The following GPCPD1 variants were observed in gnomAD, a reference collection of about 807,000 sequenced individuals.
GPCPD1 encodes glycerophosphocholine phosphodiesterase GPCPD1.
In GPCPD1, 29 loss-of-function variants were observed where a neutral mutation model predicts 89.2. The observed-to-expected ratio is 0.33, with a 90% confidence interval of 0.24 to 0.44. The LOEUF is 0.44. GPCPD1 is among the 20% of genes least tolerant of loss of function. The pLI, the probability that GPCPD1 is intolerant of heterozygous loss-of-function variation, is 1.00. For synonymous variants in GPCPD1, 258 were observed against 266.3 expected (o/e 0.97, Z 0.30); for missense variants, 594 against 808.9 (o/e 0.73, Z 3.22).
At chr20:5,553,248 A>G (rs986903020) in intron 19 of GPCPD1, among the ~76,000 whole-genome samples, 1 of 152,192 alleles carries the variant, frequency 6.6e-6, no homozygotes, top group Non-Finnish European at 1.5e-5. Flanking sequence ...GTGATCTATG[A>G]TTAGTGATCT....
chr20:5,602,517 T>C (rs1980232049), intron 2 of GPCPD1, among the ~76,000 whole-genome samples: 2 of 152,336 alleles, frequency 1.3e-5, no homozygotes, highest in South Asian at 2.1e-4. Context: ...TGGCTAAGAA[T>C]TTGAACTTAG....
chr20:5,578,699 GC>G, intron 7 of GPCPD1, 88 bp from the exon 8 acceptor site: 1 of 760,162 alleles, frequency 1.3e-6, no homozygotes, highest in Non-Finnish European at 2.3e-6. Context: ...ATTTTAAAGT[GC>G]CCCCAAATAT....
At chr20:5,580,883 T>A (rs1978428092) in intron 6 of GPCPD1, among the ~76,000 whole-genome samples, 1 of 151,858 alleles carries the variant, frequency 6.6e-6, no homozygotes, top group Non-Finnish European at 1.5e-5. Flanking sequence ...TTCCATTTTT[T>A]TTTTTTTTGA....
chr20:5,548,852 G>A lies in GPCPD1; in HGVS notation c.1830-1002C>T, dbSNP rs182759320. 4.6e-5 allele frequency: 43 copies of A among 938,280 alleles called. No individual in the cohort carries two copies. The African/African-American group carries it at 6.8e-4, about 15-fold the overall frequency. The allele number at this position is 938,280 out of a possible 1,614,324, so 58.1% of individuals were successfully genotyped here. On this transcript the variant is annotated intron_variant, in intron 19 of 19. Coordinates refer to ENST00000379019, the MANE Select transcript of GPCPD1 (RefSeq NM_019593.5). The stretch of plus-strand genomic sequence containing the variant: ...TGTAAGACGGCGGACTGTCAAACCA[G>A]AAACCACCCCTACTCCTAATCCCCC...
chr20:5,608,841 C>T (rs1980767044), intron 1 of GPCPD1, among the ~76,000 whole-genome samples: 1 of 152,172 alleles, frequency 6.6e-6, no homozygotes, highest in African/African-American at 2.4e-5. Context: ...TGAAGAGAAA[C>T]ACTAAATGGC....
intron 11 of GPCPD1, among the ~76,000 whole-genome samples, chr20:5,573,636 C>T (rs1015900636): frequency 6.6e-6 from 1 of 152,064 alleles, no homozygotes; most frequent in Non-Finnish European, 1.5e-5. Context: ...CCCACTACTA[C>T]GGAGGCTGAG....
intron 2 of GPCPD1, 100 bp downstream of exon 2, chr20:5,604,264 A>G: frequency 1.4e-6 from 1 of 696,280 alleles, no homozygotes; most frequent in Non-Finnish European, 2.6e-6. Context: ...TCATCTAAAA[A>G]ATCAGGCCCA....
intron 4 of GPCPD1, among the ~76,000 whole-genome samples, chr20:5,590,107 T>C (rs575904966): frequency 6.6e-6 from 1 of 151,774 alleles, no homozygotes; most frequent in South Asian, 2.1e-4. Flanking sequence ...AGATTGGAAG[T>C]TTGTTTTTTA....
chr20:5,583,851 T>C (rs1435806545), intron 6 of GPCPD1, among the ~76,000 whole-genome samples: 1 of 152,254 alleles, frequency 6.6e-6, no homozygotes, highest in African/African-American at 2.4e-5. Flanking sequence ...CAGTTCAGTA[T>C]ACTACACACT....
intron 14 of GPCPD1, 131 bp from the exon 15 acceptor site, chr20:5,565,209 T>C (rs1158551315): frequency 1.5e-5 from 9 of 598,262 alleles, no homozygotes; most frequent in Non-Finnish European, 1.5e-5. Flanking sequence ...CGCGAGAGCA[T>C]AAGTAACTCT....
At chr20:5,569,080 C>A (rs1321595708) in intron 12 of GPCPD1, among the ~76,000 whole-genome samples, 1 of 151,358 alleles carries the variant, frequency 6.6e-6, no homozygotes, top group Non-Finnish European at 1.5e-5. Context: ...ATAGATGCAC[C>A]TCCTTCCTTT....
intron 7 of GPCPD1, among the ~76,000 whole-genome samples, chr20:5,579,456 T>C (rs1224253564): frequency 6.6e-6 from 1 of 152,290 alleles, no homozygotes; most frequent in South Asian, 2.1e-4. Context: ...CAAGCGATTC[T>C]CCTGCCTCAG....
At chr20:5,599,947 T>G (rs899543422) in intron 2 of GPCPD1, among the ~76,000 whole-genome samples, 3 of 152,230 alleles carry the variant, frequency 2.0e-5, no homozygotes, top group African/African-American at 7.2e-5. Context: ...CACCTCTTCT[T>G]GCTAAATTTT....
chr20:5,546,466 T>G lies in GPCPD1; in HGVS notation c.*1195A>C, dbSNP rs1985029582. On this transcript the variant is annotated 3_prime_UTR_variant, in exon 20 of 20. Coordinates refer to ENST00000379019, the MANE Select transcript of GPCPD1 (RefSeq NM_019593.5). ...ACCTTCTTGAAATTTCATTTTGTAA[T>G]GAAGAAAATAAATCTGTATCATTTT... is the stretch of plus-strand genomic sequence containing the variant. The G allele has an allele frequency of 6.6e-6, 1 of 152,250 alleles. No homozygotes were observed. The highest frequency in any genetic ancestry group is 2.1e-4 in the South Asian group (1 of 4,838). 9.4% of individuals were successfully genotyped at this position (152,250 alleles called of 1,614,324 possible). A position where few individuals can be genotyped will look rare whatever the true frequency, so the allele number is the denominator to read the frequency against.
At chr20:5,577,490 GAAAAA>G in intron 8 of GPCPD1, among the ~76,000 whole-genome samples, 1 of 59,820 alleles carries the variant, frequency 1.7e-5, no homozygotes, top group East Asian at 4.3e-4. Context: ...CCTCTCTCCA[GAAAAA>G]AAAAAAAAAG....
chr20:5,566,884 A>G, intron 13 of GPCPD1, 112 bp from the exon 14 acceptor site: 1 of 699,834 alleles, frequency 1.4e-6, no homozygotes. Context: ...TATAAAACGT[A>G]GAACTATCAG....
At chr20:5,570,898 G>C (rs1161246475) in intron 11 of GPCPD1, among the ~76,000 whole-genome samples, 2 of 151,994 alleles carry the variant, frequency 1.3e-5, no homozygotes, top group Non-Finnish European at 2.9e-5. Flanking sequence ...GAAGGAGCAG[G>C]ACTGAAATTA....
At chr20:5,568,312 G>A (rs1303373438) in intron 12 of GPCPD1, among the ~76,000 whole-genome samples, 1 of 147,570 alleles carries the variant, frequency 6.8e-6, no homozygotes, top group African/African-American at 2.5e-5. Context: ...GTATGAACCT[G>A]TACATGCATA....
At chr20:5,557,522 A>T (rs1985842226) in intron 19 of GPCPD1, among the ~76,000 whole-genome samples, 1 of 152,238 alleles carries the variant, frequency 6.6e-6, no homozygotes, top group South Asian at 2.1e-4. Flanking sequence ...AATCAGGAAG[A>T]CTGTAAGAGG....
Sources: gnomAD v4.1 joint callset for allele counts (sites outside exome capture counted in the v4.1 genomes callset) on GRCh38, gnomAD v4.1.1 for gene constraint, MANE v1.5 for transcripts, NCBI Gene and HGNC (gene_info 2026-07-23, HGNC 2026-07-21) for gene names.